The following WNT11 variants were observed in gnomAD, a reference collection of about 807,000 sequenced individuals.
WNT11 encodes the protein protein Wnt-11.
A neutral mutation model predicts 35.6 loss-of-function variants in WNT11; 20 were observed. The ratio of observed to expected loss-of-function variants is 0.56; its 90% CI spans 0.40 to 0.82. WNT11 has a LOEUF of 0.82. WNT11 is among the 40% of genes least tolerant of loss of function. WNT11 has a pLI of 0.00. For missense variants in WNT11, 459 were observed against 504.4 expected (o/e 0.91, Z 0.86); for synonymous variants, 200 against 211.9 (o/e 0.94, Z 0.49).
At chr11:76,205,303 C>G (rs954241275) in intron 1 of WNT11, among the ~76,000 whole-genome samples, 1 of 151,734 alleles carries the variant, frequency 6.6e-6, no homozygotes, top group South Asian at 2.1e-4. Flanking sequence ...CAACCTGCCC[C>G]CTGCTGTCTT....
In WNT11 at chr11:76,186,939, G is replaced by T. The variant is rs567000999; in HGVS notation, c.*126C>A. ...TCCAAGTGAAGGCAAAGCACAAGCC[G>T]CCTCCCATGCCTGGCATCTGGAATT... On this transcript the variant is annotated 3_prime_UTR_variant, in exon 5 of 5. Coordinates refer to ENST00000322563, the MANE Select transcript of WNT11 (RefSeq NM_004626.3). 6.9e-7 allele frequency: 1 copy of T among 1,446,868 alleles called. No homozygotes were observed. The highest frequency in any genetic ancestry group is 9.4e-7 in the Non-Finnish European group (1 of 1,061,710). 89.6% of individuals were successfully genotyped at this position (1,446,868 alleles called of 1,614,324 possible). A position where few individuals can be genotyped will look rare whatever the true frequency, so the allele number is the denominator to read the frequency against.
intron 4 of WNT11, among the ~76,000 whole-genome samples, chr11:76,189,550 G>C (rs1284918472): frequency 6.6e-6 from 1 of 152,198 alleles, no homozygotes; most frequent in Non-Finnish European, 1.5e-5. Flanking sequence ...TCCGCAGAGA[G>C]GGAGGCAGCC....
chr11:76,202,281 G>A (rs1199983254), intron 1 of WNT11, among the ~76,000 whole-genome samples: 2 of 152,216 alleles, frequency 1.3e-5, no homozygotes, highest in African/African-American at 4.8e-5. Context: ...CTTCTGGGAT[G>A]AGGAGGATGC....
At chr11:76,198,747 G>C (rs1350627658) in intron 1 of WNT11, among the ~76,000 whole-genome samples, 1 of 152,178 alleles carries the variant, frequency 6.6e-6, no homozygotes, top group Non-Finnish European at 1.5e-5. Flanking sequence ...TCCTGGCCTA[G>C]CCCCAGGAAG....
upstream of WNT11, among the ~76,000 whole-genome samples, chr11:76,208,045 T>C (rs1278324008): frequency 6.6e-6 from 1 of 152,194 alleles, no homozygotes; most frequent in Non-Finnish European, 1.5e-5. Context: ...CGTTCTTATC[T>C]GGCTCTGTGA....
chr11:76,201,087 C>A (rs540533961), intron 1 of WNT11, among the ~76,000 whole-genome samples: 1 of 152,316 alleles, frequency 6.6e-6, no homozygotes, highest in South Asian at 2.1e-4. Context: ...TGGAGCTACC[C>A]TGGGTCTCAG....
At chr11:76,199,616 A>C (rs747036634) in intron 1 of WNT11, among the ~76,000 whole-genome samples, 3 of 152,140 alleles carry the variant, frequency 2.0e-5, no homozygotes, top group Admixed American at 2.0e-4. Context: ...CATTCTGGCC[A>C]ATATGGTGAA....
chr11:76,198,269 C>T (rs1010814232), intron 1 of WNT11, among the ~76,000 whole-genome samples: 2 of 152,238 alleles, frequency 1.3e-5, no homozygotes, highest in African/African-American at 4.8e-5. Flanking sequence ...GTCACACGTT[C>T]TGCCCAGGGC....
At chr11:76,206,641 C>T, upstream of WNT11, 1 of 898,742 alleles carries the variant, frequency 1.1e-6, no homozygotes, top group Non-Finnish European at 1.4e-6. Context: ...GGCCGGGGGA[C>T]GCGTCCCGCG....
chr11:76,200,317 G>A (rs949389625), intron 1 of WNT11, among the ~76,000 whole-genome samples: 1 of 152,196 alleles, frequency 6.6e-6, no homozygotes, highest in African/African-American at 2.4e-5. Context: ...AAATGGAACT[G>A]TTCTGGCCTG....
chr11:76,196,870 G>T, intron 1 of WNT11, 152 bp from the exon 2 acceptor site: 1 of 852,270 alleles, frequency 1.2e-6, no homozygotes. Context: ...CTCCCAAACT[G>T]TCAGCTGGCA....
At chr11:76,200,294 G>A (rs1390944648) in intron 1 of WNT11, among the ~76,000 whole-genome samples, 2 of 152,188 alleles carry the variant, frequency 1.3e-5, no homozygotes, top group African/African-American at 2.4e-5. Flanking sequence ...CCTCAGACGC[G>A]GTTTCTTGAC....
At chr11:76,196,040 AAC>A (rs1953279699) in intron 2 of WNT11, among the ~76,000 whole-genome samples, 1 of 152,202 alleles carries the variant, frequency 6.6e-6, no homozygotes, top group African/African-American at 2.4e-5. Flanking sequence ...CGCATGGTGC[AAC>A]AGTTTCTGCA....
chr11:76,210,674 G>A (rs985883921), upstream of WNT11: 1 of 985,020 alleles, frequency 1.0e-6, no homozygotes, highest in African/African-American at 1.7e-5. Flanking sequence ...AGTCAGGCGC[G>A]GACTCCGGCT....
Position 76,191,590 on chromosome 11 carries a change from C to T in WNT11, c.864G>A (p.Lys288=), listed in dbSNP as rs1174715055. The T allele has an allele frequency of 4.3e-6, 7 of 1,611,808 alleles. No homozygotes were observed. The South Asian group carries it at 4.4e-5, about 10-fold the overall frequency. Residue 288 remains lysine (K), a synonymous_variant, in exon 4 of 5, where the codon AAG becomes AAA. Coordinates refer to ENST00000322563, the MANE Select transcript of WNT11 (RefSeq NM_004626.3). ...SSPDFCMKNE[K]VGSHGTQDRQ... is the part of the protein sequence containing the mutation. ...TGTCTTGTGTCCCGTGGGAGCCCAC[C>T]TTCTCATTCTTCATGCAGAAGTCAG...
intron 1 of WNT11, among the ~76,000 whole-genome samples, chr11:76,204,974 G>A (rs1460052197): frequency 2.0e-5 from 3 of 152,254 alleles, no homozygotes; most frequent in South Asian, 4.1e-4. Flanking sequence ...GCTTGGACTC[G>A]CTGATCGGAG....
rs568422954 is a variant in WNT11, at chr11:76,194,459, T to A, written c.597+108A>T. 77 of 1,325,442 alleles carry A rather than the reference T, an allele frequency of 5.8e-5. No individual in the cohort carries two copies. The highest frequency in any genetic ancestry group is 7.6e-5 in the Non-Finnish European group (75 of 982,016). 82.1% of individuals were successfully genotyped at this position (1,325,442 alleles called of 1,614,324 possible). Reference sequence around the variant, plus strand: ...GCGAGGCACATCAGGTGTGGGCCAGTCAGGGCCCGTCCCCCCGCACCCCCC... The same window carrying A: ...GCGAGGCACATCAGGTGTGGGCCAGACAGGGCCCGTCCCCCCGCACCCCCC... On this transcript the variant is annotated intron_variant, in intron 3 of 4. Coordinates refer to ENST00000322563, the MANE Select transcript of WNT11 (RefSeq NM_004626.3). This position sits in a 1 kb window ranked among gnomAD's most constrained non-coding sequence, Gnocchi z 5.4.
intron 1 of WNT11, among the ~76,000 whole-genome samples, chr11:76,203,874 T>C (rs1953427391): frequency 6.6e-6 from 1 of 152,250 alleles, no homozygotes; most frequent in Admixed American, 6.5e-5. Flanking sequence ...CCAGCTGTGC[T>C]GGGGCTCCCT....
chr11:76,203,174 C>G (rs1303019923), intron 1 of WNT11, among the ~76,000 whole-genome samples: 2 of 152,210 alleles, frequency 1.3e-5, no homozygotes, highest in Admixed American at 1.3e-4. Flanking sequence ...CAAGCTAGAC[C>G]CCAGGCCTCC....
Sources: gnomAD v4.1 joint callset for allele counts (sites outside exome capture counted in the v4.1 genomes callset) on GRCh38, gnomAD v4.1.1 for gene constraint, Gnocchi (gnomAD v3.1) non-coding constraint, MANE v1.5 for transcripts, NCBI Gene and HGNC (gene_info 2026-07-23, HGNC 2026-07-21) for gene names.